The following NAE1 variants were observed in gnomAD, a reference collection of about 807,000 sequenced individuals.
NAE1 encodes the protein NEDD8 activating enzyme E1 subunit 1.
In NAE1, 59 loss-of-function variants were observed where a neutral mutation model predicts 88.0. The ratio of observed to expected loss-of-function variants is 0.67; its 90% CI spans 0.54 to 0.83. NAE1 has a LOEUF of 0.83. Among genes scored for constraint, NAE1 ranks in the 40% least tolerant of loss-of-function variants. The probability of loss-of-function intolerance (pLI) is 0.00; values close to 1 mark genes in which losing one functional copy is unlikely to be tolerated. For synonymous variants in NAE1, 186 were observed against 208.9 expected (o/e 0.89, Z 0.95); for missense variants, 554 against 632.8 (o/e 0.88, Z 1.34).
In NAE1 at chr16:66,803,135, G is replaced by C. The variant is rs1164871961; in HGVS notation, c.1496-17C>G. The C allele has an allele frequency of 6.7e-7, 1 of 1,501,284 alleles. No homozygotes were observed. The highest frequency in any genetic ancestry group is 1.4e-5 in the African/African-American group (1 of 72,356). The allele number at this position is 1,501,284 out of a possible 1,614,324, so 93.0% of individuals were successfully genotyped here. A position where few individuals can be genotyped will look rare whatever the true frequency, so the allele number is the denominator to read the frequency against. Reference sequence around the variant, plus strand: ...CAGCAGCTCCTGAAAGGAAAAAGGAGAAAAGCAAATCTTTGAAAGAGTAAA... The same window carrying C: ...CAGCAGCTCCTGAAAGGAAAAAGGACAAAAGCAAATCTTTGAAAGAGTAAA... On this transcript the variant is annotated splice_polypyrimidine_tract_variant and intron_variant, in intron 19 of 19. Transcript: ENST00000290810.
intron 16 of NAE1, 86 bp downstream of exon 16, chr16:66,808,901 CCA>C: frequency 1.2e-6 from 1 of 820,008 alleles, no homozygotes; most frequent in Non-Finnish European, 1.9e-6. Flanking sequence ...AATATCATCA[CCA>C]TATACTCAAC....
chr16:66,803,040 A>G lies in NAE1; in HGVS notation c.1574T>C (p.Met525Thr). The change falls in exon 20 of 20, where the codon ATG becomes ACG. Residue 525 changes from methionine to threonine, a missense_variant. Coordinates refer to ENST00000290810, the MANE Select transcript of NAE1 (RefSeq NM_003905.4). ...IFNNTYIYSGMSQTSATFQL is the reference protein window; with the variant it reads ...IFNNTYIYSGTSQTSATFQL ...CTGGAAAGTTGCTGAAGTTTGTGAC[A>G]TGCCACTGTAAATGTAAGTATTATT... The G allele has an allele frequency of 6.2e-7, 1 of 1,611,568 alleles. No individual in the cohort carries two copies. Among genetic ancestry groups the G allele is most frequent in the Admixed American group, 1.7e-5 (1 of 60,024 alleles).
chr16:66,827,924 AT>A (rs753676789), intron 1 of NAE1: 2 of 1,488,266 alleles, frequency 1.3e-6, no homozygotes, highest in Non-Finnish European at 1.9e-6. Context: ...GGGTTCAAGC[AT>A]TTCTCTCGCC....
intron 1 of NAE1, among the ~76,000 whole-genome samples, chr16:66,830,010 A>G (rs1960629815): frequency 6.6e-6 from 1 of 152,156 alleles, no homozygotes; most frequent in African/African-American, 2.4e-5. Context: ...CTCAGCCTCC[A>G]GAGTAACTGG....
chr16:66,825,295 A>C (rs534424277), intron 3 of NAE1, among the ~76,000 whole-genome samples: 15 of 152,156 alleles, frequency 9.9e-5, no homozygotes, highest in African/African-American at 3.6e-4. Flanking sequence ...AAAATACAAA[A>C]AATTAGCCGG....
At chr16:66,823,633 G>T in intron 4 of NAE1, 33 bp from the exon 5 acceptor site, 1 of 1,561,946 alleles carries the variant, frequency 6.4e-7, no homozygotes, top group African/African-American at 1.4e-5. Context: ...ACTTGAATTA[G>T]AAAAAACTTG....
chr16:66,828,982 T>C lies in NAE1; in HGVS notation c.53+1865A>G, dbSNP rs533406404. On this transcript the variant is annotated intron_variant, in intron 1 of 19. Coordinates refer to ENST00000290810, the MANE Select transcript of NAE1 (RefSeq NM_003905.4). ...CTAGCCTGGGTCACAAAGTGAGACC[T>C]TGTCCCTGAAAAAAAAAAAAAAAAG... 3.4e-5 allele frequency among the ~76,000 whole-genome samples: 5 copies of C among 145,098 alleles called. No individual in the cohort carries two copies. In the East Asian group the frequency reaches 9.7e-4, roughly 28 times the overall value.
intron 7 of NAE1, 111 bp downstream of exon 7, chr16:66,821,339 T>C: frequency 1.5e-6 from 2 of 1,313,406 alleles, no homozygotes; most frequent in Non-Finnish European, 2.0e-6. Context: ...CAACTAGAGA[T>C]GTGCTGCTAC....
At chr16:66,814,817 G>C (rs1208451351) in intron 11 of NAE1, among the ~76,000 whole-genome samples, 1 of 152,126 alleles carries the variant, frequency 6.6e-6, no homozygotes, top group Non-Finnish European at 1.5e-5. Context: ...TAGCCTGCAA[G>C]GCCTTTATGA....
intron 19 of NAE1, among the ~76,000 whole-genome samples, chr16:66,804,495 T>G (rs1959483438): frequency 6.6e-6 from 1 of 152,216 alleles, no homozygotes; most frequent in Non-Finnish European, 1.5e-5. Context: ...TTTTCTTAGG[T>G]CTGTATGATG....
Position 66,827,790 on chromosome 16 carries a change from A to C in NAE1, c.54-1010T>G, listed in dbSNP as rs183338701. ...GTGCCTTCCCTGTTACCTGATTTAA[A>C]GCAGATTACCCCTTATTATGTAGTC... On this transcript the variant is annotated intron_variant, in intron 1 of 19. Coordinates refer to ENST00000290810, the MANE Select transcript of NAE1 (RefSeq NM_003905.4). The C allele has an allele frequency of 3.5e-5, 20 of 576,866 alleles. No homozygotes were observed. In the African/African-American group the frequency reaches 3.5e-4, roughly 10 times the overall value. 35.7% of individuals were successfully genotyped at this position (576,866 alleles called of 1,614,324 possible).
chr16:66,819,220 T>C (rs1472393063), intron 7 of NAE1, among the ~76,000 whole-genome samples: 1 of 152,226 alleles, frequency 6.6e-6, no homozygotes, highest in Non-Finnish European at 1.5e-5. Flanking sequence ...TAGGTACAGA[T>C]AGCAACTAAC....
rs533442358 is a variant in NAE1, at chr16:66,821,346, C to T, written c.511+104G>A. 1.0e-5 allele frequency: 14 copies of T among 1,338,268 alleles called. No homozygotes were observed. In the African/African-American group the frequency reaches 1.5e-4, roughly 14 times the overall value. 82.9% of individuals were successfully genotyped at this position (1,338,268 alleles called of 1,614,324 possible). ...TGAATCTGCAACTAGAGATGTGCTG[C>T]TACAAATTTACTTTGTAATTTAAAA... On this transcript the variant is annotated intron_variant, in intron 7 of 19. Coordinates refer to ENST00000290810, the MANE Select transcript of NAE1 (RefSeq NM_003905.4).
chr16:66,817,223 T>C, intron 9 of NAE1, 195 bp from the exon 10 acceptor site: 1 of 893,884 alleles, frequency 1.1e-6, no homozygotes, highest in Non-Finnish European at 1.7e-6. Flanking sequence ...AGTTTCATAA[T>C]GACATTTATT....
At chr16:66,819,833 T>C (rs1960182606) in intron 7 of NAE1, among the ~76,000 whole-genome samples, 1 of 152,256 alleles carries the variant, frequency 6.6e-6, no homozygotes, top group African/African-American at 2.4e-5. Context: ...ACACAACTAG[T>C]AATGCTGAAC....
chr16:66,813,369 G>A, intron 13 of NAE1, 195 bp downstream of exon 13: 2 of 597,260 alleles, frequency 3.3e-6, no homozygotes, highest in South Asian at 4.8e-5. Flanking sequence ...TCAAACTCCT[G>A]GACTCAAGCA....
intron 11 of NAE1, among the ~76,000 whole-genome samples, chr16:66,815,971 G>C (rs1264210239): frequency 6.6e-6 from 1 of 152,036 alleles, no homozygotes; most frequent in Non-Finnish European, 1.5e-5. Context: ...GCCCCAGCCA[G>C]CACACTTTTA....
At chr16:66,817,309 CT>C (rs757843507) in intron 9 of NAE1, 115 bp downstream of exon 9, 1 of 920,432 alleles carries the variant, frequency 1.1e-6, no homozygotes. Context: ...TCCATTTGCC[CT>C]ACCATACAAC....
chr16:66,822,650 T>C (rs1960310968), intron 6 of NAE1, among the ~76,000 whole-genome samples: 2 of 147,902 alleles, frequency 1.4e-5, no homozygotes, highest in African/African-American at 5.0e-5. Flanking sequence ...TAAGAATTTC[T>C]TTTATTTATT....
Sources: gnomAD v4.1 joint callset for allele counts (sites outside exome capture counted in the v4.1 genomes callset) on GRCh38, gnomAD v4.1.1 for gene constraint, MANE v1.5 for transcripts, NCBI Gene and HGNC (gene_info 2026-07-23, HGNC 2026-07-21) for gene names.